The following MROH2A variants were observed in gnomAD, a reference collection of about 807,000 sequenced individuals.
MROH2A encodes maestro heat-like repeat-containing protein family member 2A.
A neutral mutation model predicts 200.4 loss-of-function variants in MROH2A; 174 were observed. That is an observed-to-expected ratio of 0.87 (90% CI 0.77 to 0.98). The LOEUF (loss-of-function observed/expected upper bound fraction) is 0.98, where lower values mean the gene tolerates loss of function less well. Ranked by LOEUF, MROH2A falls within the 50% of genes least tolerant of loss-of-function variation. The pLI is 0.00. For synonymous variants in MROH2A, 829 were observed against 840.4 expected, an observed-to-expected ratio of 0.99 and a Z score of 0.23; for missense variants, 2,045 against 2,139.6, an observed-to-expected ratio of 0.96 and a Z score of 0.87.
chr2:233,804,925 C>T lies in MROH2A; in HGVS notation c.1945-79C>T, dbSNP rs11563242. The T allele has an allele frequency of 9.3e-6, 7 of 752,076 alleles. No individual in the cohort carries two copies. In the South Asian group the frequency reaches 1.0e-4, roughly 11 times the overall value. The allele number at this position is 752,076 out of a possible 1,614,324, so 46.6% of individuals were successfully genotyped here. ...AGAGGGCAAGTCAGTACTCAAGGTCCCGTAGCATTCCCAGAGCCCAGGCAA... is the reference window on the plus strand; with the variant it reads ...AGAGGGCAAGTCAGTACTCAAGGTCTCGTAGCATTCCCAGAGCCCAGGCAA... On this transcript the variant is annotated intron_variant, in intron 18 of 41. Coordinates refer to ENST00000389758, the MANE Select transcript of MROH2A (RefSeq NM_001394639.1).
At chr2:233,796,447 G>A (rs572867082) in intron 11 of MROH2A, 134 bp downstream of exon 11, 2 of 617,968 alleles carry the variant, frequency 3.2e-6, no homozygotes, top group Admixed American at 5.8e-5. Context: ...GAAAGCCAAG[G>A]TTCTTGGCTG....
chr2:233,795,354 G>A (rs1190883904), intron 8 of MROH2A, among the ~76,000 whole-genome samples: 1 of 152,160 alleles, frequency 6.6e-6, no homozygotes, highest in Non-Finnish European at 1.5e-5. Context: ...GCCATCTGTA[G>A]ATCATTCTGG....
intron 37 of MROH2A, among the ~76,000 whole-genome samples, chr2:233,829,324 C>T (rs962099004): frequency 3.3e-5 from 5 of 152,102 alleles, no homozygotes; most frequent in Admixed American, 6.5e-5. Flanking sequence ...CCTTTTATTC[C>T]TTGCAGCTAC....
chr2:233,832,334 AC>A (rs1402398411), intron 40 of MROH2A, 55 bp downstream of exon 40: 3 of 1,454,212 alleles, frequency 2.1e-6, no homozygotes, highest in Non-Finnish European at 2.8e-6. Context: ...CCTCTAGTCC[AC>A]CCCGGCACTC....
At chr2:233,823,105 C>A in intron 34 of MROH2A, 87 bp downstream of exon 34, 1 of 1,411,858 alleles carries the variant, frequency 7.1e-7, no homozygotes, top group Non-Finnish European at 9.6e-7. Context: ...GGACATGGTC[C>A]AGTCATGGCT....
chr2:233,811,996 G>A (rs1027576871), intron 24 of MROH2A, 37 bp downstream of exon 24: 17 of 1,404,928 alleles, frequency 1.2e-5, no homozygotes, highest in Non-Finnish European at 1.6e-5. Context: ...ATCCCAAGGG[G>A]TAGGGAAAAG....
upstream of MROH2A, among the ~76,000 whole-genome samples, chr2:233,776,619 G>A (rs986496131): frequency 6.6e-6 from 1 of 151,978 alleles, no homozygotes; most frequent in South Asian, 2.1e-4. Context: ...CTTCCTCCTT[G>A]GTCTCACTGT....
At chr2:233,804,890 G>A (rs1702691822) in intron 18 of MROH2A, 114 bp from the exon 19 acceptor site, 1 of 620,726 alleles carries the variant, frequency 1.6e-6, no homozygotes, top group Non-Finnish European at 2.9e-6. Context: ...ATGTGGGCAA[G>A]GGAAGCGAGA....
intron 11 of MROH2A, 127 bp from the exon 12 acceptor site, chr2:233,798,647 C>T (rs1017903347): frequency 1.3e-5 from 9 of 683,300 alleles, no homozygotes; most frequent in Middle Eastern, 2.7e-4. Context: ...CAGGGAGGCT[C>T]CTAAGAAAGT....
Position 233,795,670 on chromosome 2 carries a change from G to A in MROH2A, c.984G>A (p.Leu328=), listed in dbSNP as rs1258103374. 6.4e-7 allele frequency: 1 copy of A among 1,551,002 alleles called. No individual in the cohort carries two copies. The highest frequency in any genetic ancestry group is 1.7e-4 in the Middle Eastern group (1 of 5,996). The change falls in exon 9 of 42, where the codon CTG becomes CTA. Residue 328 remains leucine (L), a synonymous_variant. Coordinates refer to ENST00000389758, the MANE Select transcript of MROH2A (RefSeq NM_001394639.1). ...CACTGCAGGTCTTGAGGCAGATCCT[G>A]GAACTGTCAGTCACCACCAACACCC... ...LFVTQVLRQI[L]ELSVTTNTPV...
At chr2:233,795,471 C>A in intron 8 of MROH2A, 182 bp from the exon 9 acceptor site, 2 of 947,710 alleles carry the variant, frequency 2.1e-6, no homozygotes, top group Non-Finnish European at 3.1e-6. Flanking sequence ...AACCTGGGGG[C>A]TGGGTGAAAT....
At chr2:233,823,766 GA>G in intron 35 of MROH2A, 102 bp downstream of exon 35, 1 of 1,441,292 alleles carries the variant, frequency 6.9e-7, no homozygotes, top group Non-Finnish European at 9.3e-7. Context: ...GAGTCGGGGG[GA>G]CAGGCGAGCG....
chr2:233,792,096 C>T (rs183614107), intron 5 of MROH2A, among the ~76,000 whole-genome samples: 4 of 152,128 alleles, frequency 2.6e-5, no homozygotes, highest in Admixed American at 1.3e-4. Flanking sequence ...CGCCCAAGAA[C>T]GTTTGTGGGA....
intron 3 of MROH2A, among the ~76,000 whole-genome samples, chr2:233,780,317 G>A (rs1025345683): frequency 1.3e-5 from 2 of 152,124 alleles, no homozygotes; most frequent in East Asian, 1.9e-4. Context: ...ACTAGACAAG[G>A]GTTTGGAACA....
At chr2:233,819,235 T>G in intron 29 of MROH2A, 82 bp from the exon 30 acceptor site, 1 of 1,363,632 alleles carries the variant, frequency 7.3e-7, no homozygotes, top group Non-Finnish European at 1.0e-6. Flanking sequence ...AGTGGGGCCA[T>G]GGGGTGGGAC....
Position 233,822,132 on chromosome 2 carries a change from C to A in MROH2A, c.3521C>A (p.Ala1174Glu), listed in dbSNP as rs1184855489. The A allele has an allele frequency of 1.9e-6, 3 of 1,549,060 alleles. No homozygotes were observed. In the Admixed American group the frequency reaches 5.9e-5, roughly 30 times the overall value. The change falls in exon 32 of 42, where the codon GCA becomes GAA. Residue 1174 changes from alanine to glutamate, a missense_variant. Ala to Glu is a moderately radical substitution (Grantham distance 107). Coordinates refer to ENST00000389758, the MANE Select transcript of MROH2A (RefSeq NM_001394639.1). ...RQPLPMESHL[A>E]EVWLAVSENV... The stretch of plus-strand genomic sequence containing the variant: ...GCCCTGACTTTGGTTAGCCACCTGG[C>A]AGAGGTGTGGCTGGCAGTGTCGGAG...
At chr2:233,831,866 T>C (rs960656298) in intron 39 of MROH2A, among the ~76,000 whole-genome samples, 3 of 152,244 alleles carry the variant, frequency 2.0e-5, no homozygotes, top group African/African-American at 7.2e-5. Flanking sequence ...TTACAATTTT[T>C]GGGGTACCAT....
chr2:233,821,561 C>G (rs1456211877), intron 31 of MROH2A, among the ~76,000 whole-genome samples: 1 of 152,240 alleles, frequency 6.6e-6, no homozygotes, highest in Non-Finnish European at 1.5e-5. Flanking sequence ...ATGCCCCGCT[C>G]TCTGTGCCTC....
chr2:233,798,454 T>A (rs904924898), intron 11 of MROH2A, among the ~76,000 whole-genome samples: 9 of 152,160 alleles, frequency 5.9e-5, no homozygotes, highest in African/African-American at 2.2e-4. Context: ...GTGTGCCCAC[T>A]GCATGCCCAC....
Sources: allele counts gnomAD v4.1 joint callset (sites outside exome capture counted in the v4.1 genomes callset), GRCh38; gene constraint gnomAD v4.1.1; transcripts MANE v1.5; gene names NCBI Gene and HGNC (gene_info 2026-07-23, HGNC 2026-07-21).